CTNNA2: variants seen among roughly 807,000 people sequenced by gnomAD.
CTNNA2 encodes the protein catenin alpha-2.
A neutral mutation model predicts 101.0 loss-of-function variants in CTNNA2; 42 were observed. The ratio of observed to expected loss-of-function variants is 0.42; its 90% CI spans 0.32 to 0.54. CTNNA2 has a LOEUF of 0.54. Among genes scored for constraint, CTNNA2 ranks in the 20% least tolerant of loss-of-function variants. The probability of loss-of-function intolerance (pLI) is 0.14; values close to 1 mark genes in which losing one functional copy is unlikely to be tolerated. For synonymous variants in CTNNA2, 450 were observed against 456.4 expected (o/e 0.99, Z 0.18); for missense variants, 871 against 1,223.1 (o/e 0.71, Z 4.29).
intron 7 of CTNNA2, among the ~76,000 whole-genome samples, chr2:80,348,922 CAG>C (rs1673034317): frequency 6.6e-6 from 1 of 151,962 alleles, no homozygotes; most frequent in Non-Finnish European, 1.5e-5. Context: ...AAGGAAGCAA[CAG>C]AGGAAAGACA....
chr2:80,422,429 CTTATAGTTTGTT>C (rs1230548029), intron 9 of CTNNA2, among the ~76,000 whole-genome samples: 1 of 104,050 alleles, frequency 9.6e-6, no homozygotes, highest in Non-Finnish European at 1.9e-5. Context: ...TTTCCCAATA[CTTATAGTTTGTT>C]TTTTTTTTTT....
At chr2:80,190,591 A>G (rs921217721) in intron 7 of CTNNA2, among the ~76,000 whole-genome samples, 4 of 151,992 alleles carry the variant, frequency 2.6e-5, no homozygotes, top group African/African-American at 9.7e-5. Flanking sequence ...CAAAACACAC[A>G]TTGAGGTGCA....
chr2:80,148,262 A>T (rs1419537561), intron 7 of CTNNA2, among the ~76,000 whole-genome samples: 1 of 152,126 alleles, frequency 6.6e-6, no homozygotes. Context: ...TCTTGTCTGG[A>T]TTCAGGGGGT....
intron 2 of CTNNA2, among the ~76,000 whole-genome samples, chr2:79,711,900 T>G (rs1249515954): frequency 6.6e-6 from 1 of 152,198 alleles, no homozygotes; most frequent in Non-Finnish European, 1.5e-5. Context: ...TCATGGATCA[T>G]TATTCTTTGA....
rs138647813 is a variant in CTNNA2 at position 80,135,511 on chromosome 2, A to G, written c.1056+225714A>G. On this transcript the variant is annotated intron_variant, in intron 7 of 18. Transcript: ENST00000402739. ...ATCCTGCCTTACTGAGGTTGGGCAGATGTCCCACGTCTCTTTTCTGCCCTC... is the reference window on the plus strand; with the variant it reads ...ATCCTGCCTTACTGAGGTTGGGCAGGTGTCCCACGTCTCTTTTCTGCCCTC... Among the ~76,000 whole-genome samples, 326 of 152,328 alleles carry G rather than the reference A, an allele frequency of 2.1e-3. 1 individual carries two copies. The highest frequency in any genetic ancestry group is 7.6e-3 in the African/African-American group (315 of 41,564).
intron 7 of CTNNA2, among the ~76,000 whole-genome samples, chr2:79,948,963 G>A (rs1390714637): frequency 3.3e-5 from 5 of 151,808 alleles, no homozygotes; most frequent in South Asian, 2.1e-4. Flanking sequence ...GCCAGACTCC[G>A]TCTCAAAAAT....
chr2:79,543,757 T>C (rs2104003813), intron 1 of CTNNA2, among the ~76,000 whole-genome samples: 1 of 152,320 alleles, frequency 6.6e-6, no homozygotes, highest in Middle Eastern at 3.4e-3. Flanking sequence ...TGTCCATCTG[T>C]TTTACAAAGT....
At chr2:79,427,359 A>C (rs1021991389) in intron 4 of CTNNA2, among the ~76,000 whole-genome samples, 4 of 151,278 alleles carry the variant, frequency 2.6e-5, no homozygotes, top group South Asian at 4.2e-4. Context: ...TTGTGTGTGC[A>C]TGTGTGTGTG....
At chr2:80,078,248 C>A (rs1346910006) in intron 7 of CTNNA2, among the ~76,000 whole-genome samples, 1 of 152,118 alleles carries the variant, frequency 6.6e-6, no homozygotes, top group Non-Finnish European at 1.5e-5. Context: ...AAAATGGTTG[C>A]AGAACCATTT....
intron 4 of CTNNA2, among the ~76,000 whole-genome samples, chr2:79,390,593 C>G (rs952814810): frequency 2.0e-5 from 3 of 152,198 alleles, no homozygotes; most frequent in African/African-American, 7.2e-5. Flanking sequence ...ACTTTAGTAA[C>G]ACTTCAACAT....
intron 9 of CTNNA2, among the ~76,000 whole-genome samples, chr2:80,449,220 T>G (rs545887393): frequency 2.6e-5 from 4 of 152,070 alleles, no homozygotes; most frequent in African/African-American, 4.8e-5. Flanking sequence ...GAGGTTGTAG[T>G]GAGCTATGAT....
intron 1 of CTNNA2, among the ~76,000 whole-genome samples, chr2:79,542,231 C>A (rs1341954422): frequency 6.6e-6 from 1 of 152,020 alleles, no homozygotes; most frequent in Non-Finnish European, 1.5e-5. Context: ...CATTTTTCAT[C>A]CCCTAGTATG....
rs574480214 is a variant in CTNNA2 at position 80,462,144 on chromosome 2, A to G, written c.1290+42543A>G. ...TGTATTCTAGGCACTTTTAAAAACA[A>G]GATCTCATGGCATTATGATAACAAC... On this transcript the variant is annotated intron_variant, in intron 9 of 18. Coordinates refer to ENST00000402739, the MANE Select transcript of CTNNA2 (RefSeq NM_001282597.3). Among the ~76,000 whole-genome samples the G allele has an allele frequency of 1.4e-3, 211 of 152,332 alleles. 1 individual carries two copies. In the Middle Eastern group the frequency reaches 0.017, roughly 12 times the overall value.
intron 3 of CTNNA2, among the ~76,000 whole-genome samples, chr2:79,817,507 A>G (rs896923627): frequency 4.0e-5 from 6 of 151,892 alleles, no homozygotes; most frequent in African/African-American, 1.5e-4. Context: ...CTCCTCTGGC[A>G]GCACTCTAAC....
chr2:80,133,989 G>A (rs986026732), intron 7 of CTNNA2, among the ~76,000 whole-genome samples: 3 of 152,122 alleles, frequency 2.0e-5, no homozygotes, highest in Non-Finnish European at 4.4e-5. Flanking sequence ...CATGGTGAGG[G>A]TTAAATGAGA....
At chr2:79,750,556 G>A (rs1379270586) in intron 3 of CTNNA2, among the ~76,000 whole-genome samples, 1 of 152,222 alleles carries the variant, frequency 6.6e-6, no homozygotes, top group Non-Finnish European at 1.5e-5. Context: ...TGAGCTTATT[G>A]TTTACTTAGA....
At chr2:79,901,672 G>A (rs1333402844) in intron 6 of CTNNA2, among the ~76,000 whole-genome samples, 3 of 152,168 alleles carry the variant, frequency 2.0e-5, no homozygotes, top group African/African-American at 4.8e-5. Flanking sequence ...GCCAGAAAGT[G>A]TAAAGATGAG....
At chr2:79,827,471 G>A (rs1678537606) in intron 3 of CTNNA2, among the ~76,000 whole-genome samples, 1 of 152,216 alleles carries the variant, frequency 6.6e-6, no homozygotes, top group Non-Finnish European at 1.5e-5. Context: ...ACTTAAGGGA[G>A]CAGGGAGTCA....
chr2:80,570,710 GT>G (rs1224864584), intron 12 of CTNNA2, among the ~76,000 whole-genome samples: 1 of 151,912 alleles, frequency 6.6e-6, no homozygotes, highest in Non-Finnish European at 1.5e-5. Context: ...CTCCCCTATC[GT>G]TTTTTTCTTC....
Sources: gnomAD v4.1 joint callset for allele counts (sites outside exome capture counted in the v4.1 genomes callset) on GRCh38, gnomAD v4.1.1 for gene constraint, MANE v1.5 for transcripts, NCBI Gene and HGNC (gene_info 2026-07-23, HGNC 2026-07-21) for gene names.